GOLM1: variants seen among roughly 807,000 people sequenced by gnomAD.
The protein encoded by GOLM1 is golgi membrane protein 1.
Under a neutral mutation model 50.5 loss-of-function variants are expected in GOLM1, and 31 were observed. That is an observed-to-expected ratio of 0.61 (90% CI 0.46 to 0.83). The LOEUF (loss-of-function observed/expected upper bound fraction) is 0.83. GOLM1 is among the 40% of genes least tolerant of loss of function. GOLM1 has a pLI of 0.00. For synonymous variants in GOLM1, 178 were observed against 192.8 expected, an observed-to-expected ratio of 0.92 and a Z score of 0.64; for missense variants, 491 against 501.3, an observed-to-expected ratio of 0.98 and a Z score of 0.20.
At chr9:86,090,314 G>A (rs1444759259) in intron 1 of GOLM1, among the ~76,000 whole-genome samples, 1 of 152,164 alleles carries the variant, frequency 6.6e-6, no homozygotes, top group Non-Finnish European at 1.5e-5. Context: ...CTGGCAGGCA[G>A]GAACATTTAA....
intron 8 of GOLM1, among the ~76,000 whole-genome samples, chr9:86,034,231 G>A (rs1376144475): frequency 6.6e-6 from 1 of 152,146 alleles, no homozygotes; most frequent in Non-Finnish European, 1.5e-5. Flanking sequence ...TCAAAGTGCT[G>A]GGATTACAGG....
intron 3 of GOLM1, among the ~76,000 whole-genome samples, chr9:86,074,253 A>G (rs1834539520): frequency 6.6e-6 from 1 of 152,064 alleles, no homozygotes; most frequent in African/African-American, 2.4e-5. Flanking sequence ...AAAAAAAAAA[A>G]AAGACAGACA....
chr9:86,034,418 C>T (rs1833073132), intron 8 of GOLM1, among the ~76,000 whole-genome samples: 1 of 152,214 alleles, frequency 6.6e-6, no homozygotes, highest in Non-Finnish European at 1.5e-5. Context: ...GTGCATCCTG[C>T]AGGCACTGTG....
rs71505775 is a variant in GOLM1, at chr9:86,088,420, G to GTATATATATATATATATATATATA, written c.-21-9103_-21-9080dup. On this transcript the variant is annotated intron_variant, in intron 1 of 9. Coordinates refer to ENST00000388712, the MANE Select transcript of GOLM1 (RefSeq NM_016548.4). The stretch of plus-strand genomic sequence containing the variant: ...TGGATTCGTTGTTTTTTTGAAGGGT[G>GTATATATATATATATATATATATA]TATATATATATATATATATATATAT... 5.3e-4 allele frequency among the ~76,000 whole-genome samples: 46 copies of GTATATATATATATATATATATATA among 86,282 alleles called. 1 individual carries two copies. Among genetic ancestry groups the GTATATATATATATATATATATATA allele is most frequent in the South Asian group, 1.3e-3 (3 of 2,356 alleles). 56.6% of individuals were successfully genotyped at this position (86,282 alleles called of 152,430 possible). A position where few individuals can be genotyped will look rare whatever the true frequency, so the allele number is the denominator to read the frequency against.
At chr9:86,058,735 G>A (rs1337369489) in intron 3 of GOLM1, among the ~76,000 whole-genome samples, 1 of 147,724 alleles carries the variant, frequency 6.8e-6, no homozygotes, top group African/African-American at 2.5e-5. Flanking sequence ...GGTGGCTCAC[G>A]CCTGTAATCC....
At chr9:86,047,513 G>A (rs1012580872) in intron 4 of GOLM1, among the ~76,000 whole-genome samples, 7 of 152,180 alleles carry the variant, frequency 4.6e-5, no homozygotes, top group African/African-American at 1.7e-4. Flanking sequence ...AGCTGGGTGG[G>A]TGCTGGGCCT....
At chr9:86,028,125 C>T (rs72746679) in intron 9 of GOLM1, among the ~76,000 whole-genome samples, 7 of 152,006 alleles carry the variant, frequency 4.6e-5, no homozygotes, top group Non-Finnish European at 4.4e-5. Context: ...GGCAAGGGCT[C>T]CACCCTCAGG....
In GOLM1 at chr9:86,033,102, T is replaced by C. The variant is rs527403377; in HGVS notation, c.1129+180A>G. Among the ~76,000 whole-genome samples, 13 of 152,332 alleles carry C rather than the reference T, an allele frequency of 8.5e-5. No homozygotes were observed. In the South Asian group the frequency reaches 2.7e-3, roughly 32 times the overall value. ...CCGAATGGTTTTCATCACCTTGGGC[T>C]TCTCAACCCTCACTTCCCTCCACTG... On this transcript the variant is annotated intron_variant, in intron 9 of 9. Transcript: ENST00000388712.
At chr9:86,095,401 G>A (rs1347692859) in intron 1 of GOLM1, among the ~76,000 whole-genome samples, 1 of 140,730 alleles carries the variant, frequency 7.1e-6, no homozygotes, top group Non-Finnish European at 1.5e-5. Context: ...GCTAATTTTT[G>A]TATTTTCCCT....
chr9:86,090,959 G>C (rs1412625059), intron 1 of GOLM1, among the ~76,000 whole-genome samples: 2 of 152,152 alleles, frequency 1.3e-5, no homozygotes, highest in Non-Finnish European at 2.9e-5. Flanking sequence ...CTGGGCCAGA[G>C]TGCACTGTCC....
chr9:86,035,980 A>G (rs1833129162), intron 7 of GOLM1, among the ~76,000 whole-genome samples: 1 of 151,954 alleles, frequency 6.6e-6, no homozygotes, highest in African/African-American at 2.4e-5. Context: ...CGCTGGAGCA[A>G]GCACTTGGGA....
intron 8 of GOLM1, among the ~76,000 whole-genome samples, chr9:86,033,985 G>C (rs557343609): frequency 1.4e-4 from 20 of 143,900 alleles, no homozygotes; most frequent in Non-Finnish European, 2.6e-4. Context: ...TTTTTTTTGA[G>C]ATGGAGTCTC....
chr9:86,047,693 G>GT (rs1168799869), intron 4 of GOLM1, among the ~76,000 whole-genome samples: 4 of 152,074 alleles, frequency 2.6e-5, no homozygotes, highest in Non-Finnish European at 4.4e-5. Context: ...TTTAATATGC[G>GT]TAACTGAACA....
At chr9:86,054,929 T>C (rs1382761866) in intron 3 of GOLM1, among the ~76,000 whole-genome samples, 1 of 152,210 alleles carries the variant, frequency 6.6e-6, no homozygotes, top group Non-Finnish European at 1.5e-5. Flanking sequence ...AATCCATTAC[T>C]TGACATGCTG....
chr9:86,093,073 T>C (rs956321075), intron 1 of GOLM1, among the ~76,000 whole-genome samples: 4 of 152,188 alleles, frequency 2.6e-5, no homozygotes, highest in Non-Finnish European at 5.9e-5. Flanking sequence ...TGGTGTGTTT[T>C]CACATTAAAA....
At chr9:86,043,385 C>T (rs992328686) in intron 5 of GOLM1, among the ~76,000 whole-genome samples, 1 of 152,122 alleles carries the variant, frequency 6.6e-6, no homozygotes, top group Non-Finnish European at 1.5e-5. Flanking sequence ...TTTGTGTTCT[C>T]GGCACTGCCT....
At chr9:86,034,874 A>G (rs1833085508) in intron 8 of GOLM1, 1 of 326,786 alleles carries the variant, frequency 3.1e-6, no homozygotes, top group African/African-American at 3.1e-5. Flanking sequence ...TTCTTTAAAA[A>G]GAAAAGAGTC....
rs567328448 is a variant in GOLM1, at chr9:86,040,357, C to T, written c.597+382G>A. ...CTGCACAGGAGGTGGAATGACAGCA[C>T]GAGACATGGAGTCGGCCAGACCTGA... On this transcript the variant is annotated intron_variant, in intron 6 of 9. Transcript: ENST00000388712. Among the ~76,000 whole-genome samples, 18 of 152,268 alleles carry T rather than the reference C, an allele frequency of 1.2e-4. No homozygotes were observed. The East Asian group carries it at 2.3e-3, about 20-fold the overall frequency.
intron 3 of GOLM1, among the ~76,000 whole-genome samples, chr9:86,077,144 G>GA (rs34280447): frequency 1.1e-3 from 161 of 148,872 alleles, no homozygotes; most frequent in African/African-American, 3.5e-3. Context: ...CCCAATAGGA[G>GA]AAAAAAAAAA....
Sources: allele counts gnomAD v4.1 joint callset (sites outside exome capture counted in the v4.1 genomes callset), GRCh38; gene constraint gnomAD v4.1.1; transcripts MANE v1.5; gene names NCBI Gene and HGNC (gene_info 2026-07-23, HGNC 2026-07-21).